The following SMYD3 variants were observed in gnomAD, a reference collection of about 807,000 sequenced individuals.
SMYD3 encodes SET and MYND domain containing 3.
SMYD3 carries 36 observed loss-of-function variants against 57.7 expected under a neutral mutation model. That is an observed-to-expected ratio of 0.62 (90% confidence interval 0.48 to 0.82). The LOEUF is 0.82. Ranked by LOEUF, SMYD3 falls within the 40% of genes least tolerant of loss-of-function variation. The pLI is 0.00. For synonymous variants in SMYD3, 211 were observed against 195.0 expected (o/e 1.08, Z -0.68); for missense variants, 515 against 538.8 (o/e 0.96, Z 0.44).
At chr1:246,500,297 A>G (rs1009122966) in intron 1 of SMYD3, among the ~76,000 whole-genome samples, 1 of 152,226 alleles carries the variant, frequency 6.6e-6, no homozygotes, top group African/African-American at 2.4e-5. Flanking sequence ...CATCCCACCA[A>G]TAGTCTTCCA....
chr1:246,045,546 C>T (rs1341657844), intron 5 of SMYD3, among the ~76,000 whole-genome samples: 2 of 151,994 alleles, frequency 1.3e-5, no homozygotes, highest in African/African-American at 4.8e-5. Flanking sequence ...AAAACCCAGG[C>T]AATACCATTC....
chr1:246,100,738 G>A (rs145021364), intron 5 of SMYD3, among the ~76,000 whole-genome samples: 86 of 152,208 alleles, frequency 5.7e-4, no homozygotes, highest in African/African-American at 1.9e-3. Flanking sequence ...CTGAGAAAAT[G>A]AATGCGACTC....
intron 5 of SMYD3, among the ~76,000 whole-genome samples, chr1:246,167,787 A>G (rs994685296): frequency 3.3e-5 from 5 of 152,196 alleles, no homozygotes; most frequent in African/African-American, 9.6e-5. Context: ...CTGGGATTAC[A>G]GGCGTGAGCC....
chr1:246,045,563 T>C (rs143077568), intron 5 of SMYD3, among the ~76,000 whole-genome samples: 68,357 of 151,870 alleles, frequency 0.45, 19,209 homozygotes, highest in Non-Finnish European at 0.63. Context: ...ATTCAGGACA[T>C]AGGCATGGGC....
intron 5 of SMYD3, chr1:246,326,464 AT>A: frequency 6.9e-5 from 43 of 626,502 alleles, no homozygotes; most frequent in Middle Eastern, 2.6e-4. Context: ...CCTCGGAATC[AT>A]TTAAAAAAAA....
At chr1:246,384,995 A>C (rs12119619) in intron 1 of SMYD3, among the ~76,000 whole-genome samples, 20,226 of 152,158 alleles carry the variant, frequency 0.13, 1,741 homozygotes, top group Non-Finnish European at 0.18. Context: ...ATAATAAAGA[A>C]ATCTTTCATT....
At chr1:246,087,080 G>A (rs900292503) in intron 5 of SMYD3, among the ~76,000 whole-genome samples, 2 of 152,146 alleles carry the variant, frequency 1.3e-5, no homozygotes, top group African/African-American at 4.8e-5. Context: ...TGGCTGCATA[G>A]TATTCCATGG....
chr1:245,987,007 C>T (rs772530219), intron 5 of SMYD3, among the ~76,000 whole-genome samples: 2 of 152,180 alleles, frequency 1.3e-5, no homozygotes, highest in Admixed American at 6.5e-5. Context: ...AGCATACCTC[C>T]TTTTAAATGA....
chr1:246,037,368 T>C (rs1038120047), intron 5 of SMYD3, among the ~76,000 whole-genome samples: 1 of 152,200 alleles, frequency 6.6e-6, no homozygotes, highest in African/African-American at 2.4e-5. Flanking sequence ...TTATTATGAA[T>C]GAGCTGAGGA....
chr1:246,084,056 TCAGCATAAGGA>T (rs1558213371), intron 5 of SMYD3, among the ~76,000 whole-genome samples: 1 of 152,134 alleles, frequency 6.6e-6, no homozygotes, highest in Non-Finnish European at 1.5e-5. Context: ...TTATTATCTA[TCAGCATAAGGA>T]CTGCTAAGTA....
At chr1:246,420,969 T>C (rs1302906621) in intron 1 of SMYD3, among the ~76,000 whole-genome samples, 2 of 152,208 alleles carry the variant, frequency 1.3e-5, no homozygotes, top group East Asian at 3.8e-4. Flanking sequence ...TGTCAACACA[T>C]AGCCTTGTAA....
chr1:246,191,227 G>A (rs1572186175), intron 5 of SMYD3, among the ~76,000 whole-genome samples: 2 of 152,204 alleles, frequency 1.3e-5, no homozygotes, highest in Non-Finnish European at 2.9e-5. Context: ...GCCCTTCTGC[G>A]AGGGTCTGGT....
intron 5 of SMYD3, among the ~76,000 whole-genome samples, chr1:246,147,744 G>T (rs1444655857): frequency 6.6e-6 from 1 of 152,050 alleles, no homozygotes; most frequent in Non-Finnish European, 1.5e-5. Flanking sequence ...GGGTAGAGCT[G>T]CAGCCTCCCT....
At chr1:246,377,569 A>G (rs2066300886) in intron 1 of SMYD3, among the ~76,000 whole-genome samples, 1 of 152,052 alleles carries the variant, frequency 6.6e-6, no homozygotes, top group Non-Finnish European at 1.5e-5. Context: ...GGGTTTCTCC[A>G]TGTTGGTCAG....
intron 1 of SMYD3, among the ~76,000 whole-genome samples, chr1:246,489,974 C>G (rs563362452): frequency 6.7e-6 from 1 of 150,346 alleles, no homozygotes; most frequent in African/African-American, 2.4e-5. Flanking sequence ...ACTAGAAGTA[C>G]GACCACCGCA....
chr1:245,948,292 CAG>C (rs2057494909), intron 5 of SMYD3, among the ~76,000 whole-genome samples: 1 of 152,280 alleles, frequency 6.6e-6, no homozygotes, highest in African/African-American at 2.4e-5. Context: ...GATCATCTAA[CAG>C]AGAACAGTGG....
At chr1:245,866,422 T>C (rs765898954) in intron 8 of SMYD3, among the ~76,000 whole-genome samples, 3 of 151,906 alleles carry the variant, frequency 2.0e-5, no homozygotes, top group Middle Eastern at 3.4e-3. Context: ...AGGGAGGAGA[T>C]AAAATGCCCT....
At chr1:246,226,962 G>A (rs2063338884) in intron 5 of SMYD3, among the ~76,000 whole-genome samples, 1 of 152,112 alleles carries the variant, frequency 6.6e-6, no homozygotes, top group African/African-American at 2.4e-5. Flanking sequence ...TTAGCATTAT[G>A]AGATTATTAG....
chr1:246,377,461 C>A (rs1879439), intron 1 of SMYD3, among the ~76,000 whole-genome samples: 3 of 151,394 alleles, frequency 2.0e-5, no homozygotes, highest in East Asian at 3.9e-4. Flanking sequence ...ACTCCGCCTC[C>A]CGGGTTCAAG....
Sources: gnomAD v4.1 joint callset for allele counts (sites outside exome capture counted in the v4.1 genomes callset) on GRCh38, gnomAD v4.1.1 for gene constraint, MANE v1.5 for transcripts, NCBI Gene and HGNC (gene_info 2026-07-23, HGNC 2026-07-21) for gene names.